THSD7A: variants seen among roughly 807,000 people sequenced by gnomAD.
The protein encoded by THSD7A is thrombospondin type-1 domain-containing protein 7A.
In THSD7A, 96 loss-of-function variants were observed where a neutral mutation model predicts 231.3. The ratio of observed to expected loss-of-function variants is 0.41; its 90% CI spans 0.35 to 0.49. The LOEUF is 0.49. THSD7A is among the 20% of genes least tolerant of loss of function. THSD7A has a pLI of 0.05. For synonymous variants in THSD7A, 940 were observed against 743.3 expected (o/e 1.26, Z -4.30); for missense variants, 2,290 against 2,070.2 (o/e 1.11, Z -2.06).
chr7:11,587,820 AG>A (rs1779976809), intron 4 of THSD7A, among the ~76,000 whole-genome samples: 1 of 152,212 alleles, frequency 6.6e-6, no homozygotes, highest in African/African-American at 2.4e-5. Flanking sequence ...AAGTTAATAA[AG>A]GAAGTTTACA....
intron 6 of THSD7A, among the ~76,000 whole-genome samples, chr7:11,537,293 A>T (rs957537882): frequency 2.0e-5 from 3 of 152,324 alleles, no homozygotes; most frequent in Admixed American, 1.3e-4. Flanking sequence ...TGGATACTAA[A>T]GTCAATGATA....
intron 4 of THSD7A, among the ~76,000 whole-genome samples, chr7:11,571,157 G>A (rs559418107): frequency 2.0e-5 from 3 of 152,236 alleles, no homozygotes; most frequent in South Asian, 2.1e-4. Flanking sequence ...GATATGGGAA[G>A]GCACAAATAT....
intron 6 of THSD7A, among the ~76,000 whole-genome samples, chr7:11,485,525 C>T (rs565806739): frequency 5.3e-5 from 8 of 152,170 alleles, no homozygotes; most frequent in Admixed American, 3.3e-4. Context: ...TCACAATAAC[C>T]TTTTGACATC....
At position 11,406,118 on chromosome 7, in the gene THSD7A, T is replaced by C; in HGVS notation, c.4237+182A>G. On this transcript the variant is annotated intron_variant, in intron 22 of 27. Transcript: ENST00000423059. The surrounding 1 kb of genome is among the most constrained non-coding windows in gnomAD (Gnocchi z 4.7). ...ACATGGGAGACCTGGACTTCAACCC[T>C]ACCTGGCAGTAATGAGACAGCGTCC... is the stretch of plus-strand genomic sequence containing the variant. 6.6e-6 allele frequency among the ~76,000 whole-genome samples: 1 copy of C among 152,200 alleles called. No homozygotes were observed. Among genetic ancestry groups the C allele is most frequent in the South Asian group, 2.1e-4 (1 of 4,832 alleles).
intron 1 of THSD7A, among the ~76,000 whole-genome samples, chr7:11,826,989 A>G (rs536585713): frequency 6.6e-6 from 1 of 152,152 alleles, no homozygotes; most frequent in East Asian, 1.9e-4. Flanking sequence ...GAAAATTTTA[A>G]CTTTTATATT....
chr7:11,661,426 T>C (rs1782924090), intron 1 of THSD7A, among the ~76,000 whole-genome samples: 1 of 151,286 alleles, frequency 6.6e-6, no homozygotes. Context: ...CTGTGACTAT[T>C]GTTTTCCAGA....
intron 23 of THSD7A, among the ~76,000 whole-genome samples, chr7:11,400,973 T>C (rs777429752): frequency 3.9e-5 from 6 of 152,214 alleles, no homozygotes; most frequent in Non-Finnish European, 8.8e-5. Context: ...TTCTTGAAGA[T>C]GTATTGCTTA....
rs1374222347 is a variant in THSD7A at position 11,721,051 on chromosome 7, G to C, written c.191-84090C>G. ...TTATTAATTACACATATGCCTCTCA[G>C]GTTTCTGATTTAATCTCTAATTTGA... On this transcript the variant is annotated intron_variant, in intron 1 of 27. Transcript: ENST00000423059. 2.6e-5 allele frequency among the ~76,000 whole-genome samples: 4 copies of C among 151,760 alleles called. No homozygotes were observed. In the East Asian group the frequency reaches 7.8e-4, roughly 30 times the overall value.
intron 2 of THSD7A, among the ~76,000 whole-genome samples, chr7:11,626,826 C>G (rs1362990485): frequency 6.6e-6 from 1 of 151,896 alleles, no homozygotes; most frequent in Non-Finnish European, 1.5e-5. Context: ...TAGTGTTAAC[C>G]AGGAACAATA....
chr7:11,572,803 A>AT (rs1164295811), intron 4 of THSD7A, among the ~76,000 whole-genome samples: 1 of 151,858 alleles, frequency 6.6e-6, no homozygotes, highest in Non-Finnish European at 1.5e-5. Flanking sequence ...GCTGATTCTT[A>AT]TATCTAGGCC....
chr7:11,537,088 G>C (rs1293490946), intron 6 of THSD7A, among the ~76,000 whole-genome samples: 1 of 152,088 alleles, frequency 6.6e-6, no homozygotes, highest in Non-Finnish European at 1.5e-5. Context: ...ATACTGAAAT[G>C]ATATGCCCCC....
intron 1 of THSD7A, among the ~76,000 whole-genome samples, chr7:11,800,838 T>C (rs1784254100): frequency 6.6e-6 from 1 of 152,194 alleles, no homozygotes; most frequent in Admixed American, 6.5e-5. Flanking sequence ...AACAATGCAG[T>C]GTTGTGCACG....
At chr7:11,737,587 T>C (rs770220821) in intron 1 of THSD7A, among the ~76,000 whole-genome samples, 8 of 152,018 alleles carry the variant, frequency 5.3e-5, no homozygotes, top group Non-Finnish European at 1.2e-4. Context: ...CCTGAAACAG[T>C]AGCAAACAAG....
intron 1 of THSD7A, among the ~76,000 whole-genome samples, chr7:11,712,553 C>A (rs1421204204): frequency 6.6e-6 from 1 of 150,976 alleles, no homozygotes; most frequent in Non-Finnish European, 1.5e-5. Context: ...TATTTTCCAC[C>A]AAATATCAAT....
At chr7:11,603,192 AC>A (rs767315976) in intron 2 of THSD7A, among the ~76,000 whole-genome samples, 12 of 152,036 alleles carry the variant, frequency 7.9e-5, no homozygotes, top group Admixed American at 2.0e-4. Context: ...AAAAAAACAA[AC>A]AACCTCATGA....
chr7:11,406,247 C>T lies in THSD7A; in HGVS notation c.4237+53G>A. 6.5e-7 allele frequency: 1 copy of T among 1,541,706 alleles called. No individual in the cohort carries two copies. The highest frequency in any genetic ancestry group is 8.8e-7 in the Non-Finnish European group (1 of 1,142,304). On this transcript the variant is annotated intron_variant, in intron 22 of 27. Transcript: ENST00000423059. This position sits in a 1 kb window ranked among gnomAD's most constrained non-coding sequence, Gnocchi z 4.7. ...ACTTTATATGCAACCCCTTCACGGC[C>T]CTTGTCCTAGGAAAAAATAATCAGA...
intron 6 of THSD7A, among the ~76,000 whole-genome samples, chr7:11,506,610 G>A (rs919154733): frequency 6.6e-6 from 1 of 152,168 alleles, no homozygotes; most frequent in Non-Finnish European, 1.5e-5. Context: ...AAAAGGCCCT[G>A]TATGATCTGC....
Position 11,474,396 on chromosome 7 carries a change from G to A in THSD7A, c.2190C>T (p.Val730=), listed in dbSNP as rs750981405. ...TTWNGEASCS[V]GMQTRKVICV... ...AGATGACTTTTCTTGTCTGCATGCCGACAGAGCAGGAGGCCTCCCCATTCC... is the reference window on the plus strand; with the variant it reads ...AGATGACTTTTCTTGTCTGCATGCCAACAGAGCAGGAGGCCTCCCCATTCC... Residue 730 remains valine, a synonymous_variant, in exon 8 of 28, where the codon GTC becomes GTT. Transcript: ENST00000423059. The surrounding 1 kb of genome is among the most constrained non-coding windows in gnomAD (Gnocchi z 4.1). 25 of 1,613,380 alleles carry A rather than the reference G, an allele frequency of 1.5e-5. No individual in the cohort carries two copies. The highest frequency in any genetic ancestry group is 1.6e-4 in the Middle Eastern group (1 of 6,080).
At chr7:11,619,675 G>A (rs983361151) in intron 2 of THSD7A, among the ~76,000 whole-genome samples, 4 of 152,010 alleles carry the variant, frequency 2.6e-5, no homozygotes, top group African/African-American at 9.7e-5. Context: ...TACTGCCTCA[G>A]CCTCCCAAAG....
Sources: gnomAD v4.1 joint callset for allele counts (sites outside exome capture counted in the v4.1 genomes callset) on GRCh38, gnomAD v4.1.1 for gene constraint, Gnocchi (gnomAD v3.1) non-coding constraint, MANE v1.5 for transcripts, NCBI Gene and HGNC (gene_info 2026-07-23, HGNC 2026-07-21) for gene names.